AR: variants seen among roughly 807,000 people sequenced by gnomAD.
AR encodes dihydrotestosterone receptor.
In AR, 8 loss-of-function variants were observed where a neutral mutation model predicts 53.9. That is an observed-to-expected ratio of 0.15 (90% confidence interval 0.09 to 0.27). The LOEUF is 0.27. Ranked by LOEUF, AR falls within the 10% of genes least tolerant of loss-of-function variation. The probability of loss-of-function intolerance (pLI) is 1.00; values close to 1 mark genes in which losing one functional copy is unlikely to be tolerated. For missense variants in AR, 639 were observed against 742.5 expected, an observed-to-expected ratio of 0.86 and a Z score of 1.62; for synonymous variants, 359 against 316.4, an observed-to-expected ratio of 1.13 and a Z score of -1.43.
chrX:67,558,908 C>A (rs182106610), intron 1 of AR, among the ~76,000 whole-genome samples: 35 of 112,115 alleles, frequency 3.1e-4, no homozygotes, highest in African/African-American at 1.0e-3. Flanking sequence ...AAGAAACAGG[C>A]ACAGAGCAAT....
At chrX:67,682,187 G>A (rs1042462701) in intron 2 of AR, among the ~76,000 whole-genome samples, 2 of 111,666 alleles carry the variant, frequency 1.8e-5, no homozygotes, top group African/African-American at 6.5e-5. Context: ...AGTACTGGAA[G>A]TCCTAGCCAA....
At chrX:67,670,565 T>A (rs1231875080) in intron 2 of AR, among the ~76,000 whole-genome samples, 1 of 107,127 alleles carries the variant, frequency 9.3e-6, no homozygotes, top group East Asian at 2.9e-4. Context: ...AGTATATATA[T>A]AATACATTTA....
chrX:67,616,403 GTGTTCTCAT>G (rs1323529987), intron 1 of AR, among the ~76,000 whole-genome samples: 1 of 109,680 alleles, frequency 9.1e-6, no homozygotes, highest in Non-Finnish European at 1.9e-5. Flanking sequence ...CTGTGTCCAT[GTGTTCTCAT>G]TGTTCAACTC....
chrX:67,725,848 C>T lies in AR; in HGVS notation c.*2007C>T, dbSNP rs1196808141. 1.1e-5 allele frequency: 2 copies of T among 174,051 alleles called. No homozygotes were observed. The highest frequency in any genetic ancestry group is 5.9e-5 in the African/African-American group (2 of 33,781). The allele number at this position is 174,051 out of a possible 1,213,427, so 14.3% of individuals were successfully genotyped here. ...TGAACTCAGGGTGTGCCCTGGGACA[C>T]TGGTTTTATATAGTCTTTTGGCACA... On this transcript the variant is annotated 3_prime_UTR_variant, in exon 8 of 8. Transcript: ENST00000374690.
chrX:67,669,744 C>G lies in AR; in HGVS notation c.1769-16266C>G, dbSNP rs1316163565. 3.6e-5 allele frequency among the ~76,000 whole-genome samples: 4 copies of G among 110,382 alleles called. No individual in the cohort carries two copies. In the Admixed American group the frequency reaches 3.9e-4, roughly 11 times the overall value. ...TGCTCCAGTGTTGGGTGCATATATA[C>G]TTAAAATTGTTGTATCCTCCTGATG... On this transcript the variant is annotated intron_variant, in intron 2 of 7. Transcript: ENST00000374690.
chrX:67,632,529 C>T (rs979868502), intron 1 of AR, among the ~76,000 whole-genome samples: 7 of 112,195 alleles, frequency 6.2e-5, no homozygotes, highest in South Asian at 3.7e-4. Flanking sequence ...CACTGACCTG[C>T]GCCCACTGTC....
rs2076148190 is a variant in AR, at chrX:67,723,986, T to C, written c.*145T>C. 5 of 832,523 alleles carry C rather than the reference T, an allele frequency of 6.0e-6. No individual in the cohort carries two copies. The highest frequency in any genetic ancestry group is 8.5e-6 in the Non-Finnish European group (5 of 590,084). The allele number at this position is 832,523 out of a possible 1,213,427, so 68.6% of individuals were successfully genotyped here. ...GTCTGTCATGAACATGTTCCTGAAT[T>C]CTATTTGCTGGGCTTTTTTTTTCTC... On this transcript the variant is annotated 3_prime_UTR_variant, in exon 8 of 8. Transcript: ENST00000374690.
chrX:67,589,225 T>G (rs1431192887), intron 1 of AR, among the ~76,000 whole-genome samples: 1 of 104,674 alleles, frequency 9.6e-6, no homozygotes, highest in Non-Finnish European at 1.9e-5. Context: ...ATTGCGCCAC[T>G]GCAGTCCGCA....
rs1569265028 is a variant in AR at position 67,546,511 on chromosome X, T to TGGTGGG, written c.1370_1371insGGGTGG (p.Gly472_Gly473dup). 3 of 510,922 alleles carry TGGTGGG rather than the reference T, an allele frequency of 5.9e-6. No homozygotes were observed. The highest frequency in any genetic ancestry group is 7.9e-5 in the African/African-American group (2 of 25,234). The allele number at this position is 510,922 out of a possible 1,213,427, so 42.1% of individuals were successfully genotyped here. A position where few individuals can be genotyped will look rare whatever the true frequency, so the allele number is the denominator to read the frequency against. On this transcript the variant is annotated inframe_insertion, in exon 1 of 8. Transcript: ENST00000374690. ...ATGGACCGTGTGGTGGTGGTGGGGG[T>TGGTGGG]GGTGGCGGCGGCGGCGGCGGCGGCG...
intron 3 of AR, among the ~76,000 whole-genome samples, chrX:67,699,140 A>G (rs921191824): frequency 1.8e-5 from 2 of 112,132 alleles, no homozygotes; most frequent in African/African-American, 6.5e-5. Flanking sequence ...TGCATAACAC[A>G]TTGCCACAAA....
intron 4 of AR, among the ~76,000 whole-genome samples, chrX:67,712,415 C>T (rs2076097535): frequency 8.9e-6 from 1 of 112,198 alleles, no homozygotes; most frequent in African/African-American, 3.2e-5. Context: ...ACAGAAGTTC[C>T]TCAGTGATGG....
chrX:67,690,826 G>T (rs1233392547), intron 3 of AR, among the ~76,000 whole-genome samples: 2 of 111,703 alleles, frequency 1.8e-5, no homozygotes, highest in African/African-American at 6.5e-5. Flanking sequence ...GAAGGAAAAG[G>T]ACATCTAAGG....
chrX:67,585,935 A>G (rs187116079), intron 1 of AR, among the ~76,000 whole-genome samples: 1 of 112,068 alleles, frequency 8.9e-6, no homozygotes, highest in East Asian at 2.8e-4. Flanking sequence ...TATTTGCATC[A>G]TATCTCCAGA....
At chrX:67,632,615 C>T (rs1925217886) in intron 1 of AR, among the ~76,000 whole-genome samples, 1 of 111,971 alleles carries the variant, frequency 8.9e-6, no homozygotes, top group South Asian at 3.7e-4. Flanking sequence ...TTCGCTCATG[C>T]TGGGAGCTGT....
chrX:67,696,079 C>A, intron 3 of AR: 1 of 746,744 alleles, frequency 1.3e-6, no homozygotes, highest in Non-Finnish European at 1.6e-6. Flanking sequence ...ATACACCAAT[C>A]GTATTTTCTT....
intron 4 of AR, among the ~76,000 whole-genome samples, chrX:67,714,942 GC>G (rs1682659253): frequency 1.8e-5 from 2 of 111,845 alleles, no homozygotes; most frequent in Admixed American, 9.5e-5. Flanking sequence ...GTGCTAAGCA[GC>G]TCTCATTAAG....
At chrX:67,621,441 T>C (rs1434669848) in intron 1 of AR, among the ~76,000 whole-genome samples, 1 of 110,969 alleles carries the variant, frequency 9.0e-6, no homozygotes, top group Non-Finnish European at 1.9e-5. Context: ...ACACGTGCCA[T>C]GGTGGTTTGC....
chrX:67,578,096 G>A (rs2147352747), intron 1 of AR, among the ~76,000 whole-genome samples: 1 of 111,490 alleles, frequency 9.0e-6, no homozygotes, highest in African/African-American at 3.2e-5. Context: ...CTGGGACAAG[G>A]AGAATCTACA....
intron 1 of AR, among the ~76,000 whole-genome samples, chrX:67,575,228 G>T (rs1288020867): frequency 9.0e-6 from 1 of 110,895 alleles, no homozygotes; most frequent in East Asian, 2.9e-4. Flanking sequence ...AGAGAGAAAA[G>T]GAAAAACTGG....
Sources: allele counts gnomAD v4.1 joint callset (sites outside exome capture counted in the v4.1 genomes callset), GRCh38; gene constraint gnomAD v4.1.1; transcripts MANE v1.5; gene names NCBI Gene and HGNC (gene_info 2026-07-23, HGNC 2026-07-21).